ZNF414: variants seen among roughly 807,000 people sequenced by gnomAD.
The protein encoded by ZNF414 is zinc finger protein 414.
Under a neutral mutation model 38.3 loss-of-function variants are expected in ZNF414, and 32 were observed. The ratio of observed to expected loss-of-function variants is 0.83; its 90% confidence interval spans 0.63 to 1.12. The LOEUF is 1.12. ZNF414 is among the 50% of genes most tolerant of loss of function. The probability of loss-of-function intolerance (pLI) is 0.00; values close to 1 mark genes in which losing one functional copy is unlikely to be tolerated. For synonymous variants in ZNF414, 256 were observed against 248.0 expected (o/e 1.03, Z -0.30); for missense variants, 589 against 557.4 (o/e 1.06, Z -0.57).
chr19:8,512,904 A>T, intron 2 of ZNF414, 125 bp downstream of exon 2: 3 of 1,300,646 alleles, frequency 2.3e-6, no homozygotes, highest in Non-Finnish European at 3.0e-6. Flanking sequence ...CCTGGCATCC[A>T]CCGGCTGCTC....
intron 6 of ZNF414, 194 bp from the exon 7 acceptor site, chr19:8,511,218 C>A: frequency 7.5e-7 from 1 of 1,332,708 alleles, no homozygotes; most frequent in East Asian, 3.1e-5. Context: ...TCTCCGCGTC[C>A]CCTACTATCA....
In ZNF414 at chr19:8,510,342, A is replaced by C; in HGVS notation, c.*349T>G. 4.6e-6 allele frequency: 1 copy of C among 217,730 alleles called. No homozygotes were observed. The highest frequency in any genetic ancestry group is 8.9e-6 in the Non-Finnish European group (1 of 111,928). 13.5% of individuals were successfully genotyped at this position (217,730 alleles called of 1,614,324 possible). On this transcript the variant is annotated 3_prime_UTR_variant, in exon 8 of 8. Transcript: ENST00000393927. ...AAAAAAAGAAAACTGGAGAGTCCCC[A>C]TCCCATTTGGTTTCTGGACAAGGGA...
At chr19:8,511,397 A>G (rs2145806300) in intron 6 of ZNF414, 89 bp downstream of exon 6, 1 of 1,537,896 alleles carries the variant, frequency 6.5e-7, no homozygotes, top group Admixed American at 2.2e-5. Context: ...GAAGGGGATG[A>G]GCACTGCTGC....
In ZNF414 at chr19:8,511,518, C is replaced by T; in HGVS notation, c.893G>A (p.Arg298Gln). The T allele has an allele frequency of 6.2e-7, 1 of 1,603,922 alleles. No individual in the cohort carries two copies. The highest frequency in any genetic ancestry group is 8.5e-7 in the Non-Finnish European group (1 of 1,175,886). The change falls in exon 6 of 8, where the codon CGA becomes CAA. Residue 298 changes from arginine to glutamine, a missense_variant. Physicochemically the swap from Arg to Gln is conservative, Grantham distance 43. Transcript: ENST00000393927. ...KKSQGAGSSPRRPQGGSDAPS... is the reference protein window; with the variant it reads ...KKSQGAGSSPQRPQGGSDAPS... ...CGCGTCGGAGCCGCCCTGGGGTCTT[C>T]GGGGGCTGCTGCCAGCACCTGCGGT...
Position 8,510,779 on chromosome 19 carries a change from G to A in ZNF414, c.1100-15C>T, listed in dbSNP as rs369578071. On this transcript the variant is annotated splice_polypyrimidine_tract_variant and intron_variant, in intron 7 of 7. Transcript: ENST00000393927. ...CGGGGCCGGATCTGGGTGGGGCAGA[G>A]GAGGGGGGCGCCTGAGCCTCAGCGC... 3.2e-6 allele frequency: 5 copies of A among 1,538,822 alleles called. No individual in the cohort carries two copies. The African/African-American group carries it at 4.1e-5, about 13-fold the overall frequency.
intron 4 of ZNF414, 173 bp from the exon 5 acceptor site, chr19:8,512,133 T>TGGGGAAACCCGGGGAAACCC: frequency 2.1e-6 from 3 of 1,424,454 alleles, no homozygotes; most frequent in Non-Finnish European, 2.7e-6. Context: ...GGTGGGAACC[T>TGGGGAAACCCGGGGAAACCC]GGGGAAACCC....
At chr19:8,512,087 G>A (rs2145807277) in intron 4 of ZNF414, 127 bp from the exon 5 acceptor site, 2 of 1,415,322 alleles carry the variant, frequency 1.4e-6, no homozygotes, top group East Asian at 2.6e-5. Flanking sequence ...CCCCGCTCCT[G>A]TACAACTGTG....
chr19:8,513,151 T>C lies in ZNF414; in HGVS notation c.194A>G (p.Gln65Arg), dbSNP rs8100431. The change falls in exon 2 of 8, where the codon CAG (glutamine) becomes CGG (arginine). Residue 65 changes from glutamine to arginine, a missense_variant. Physicochemically the swap from Gln to Arg is conservative, Grantham distance 43. Transcript: ENST00000393927. The part of the protein sequence containing the change: ...VWERGGAGGM[Q>R]QGSSPAPDSC... The stretch of plus-strand genomic sequence containing the variant: ...GTCTGGGGCTGGGGAGGAGCCCTGC[T>C]GCATCCCTCCAGCCCCTCCACGTTC... 0.3 allele frequency: 469,861 copies of C among 1,544,508 alleles called. 73,645 individuals are homozygous for C. The highest frequency in any genetic ancestry group is 0.52 in the East Asian group (21,352 of 41,220).
chr19:8,512,522 G>C (rs1971933133), intron 3 of ZNF414, 30 bp from the exon 4 acceptor site: 2 of 1,613,558 alleles, frequency 1.2e-6, no homozygotes, highest in Admixed American at 1.7e-5. Flanking sequence ...GAGAAGTGGA[G>C]ACAGGTGGCC....
chr19:8,512,150 A>T, intron 4 of ZNF414, 190 bp from the exon 5 acceptor site: 1 of 1,426,146 alleles, frequency 7.0e-7, no homozygotes, highest in Non-Finnish European at 9.1e-7. Flanking sequence ...ACCCGGAAAG[A>T]AGTCTCAATT....
chr19:8,512,454 T>A lies in ZNF414; in HGVS notation c.463A>T (p.Thr155Ser), dbSNP rs1159629853. 1.6e-5 allele frequency: 26 copies of A among 1,613,924 alleles called. No individual in the cohort carries two copies. Among genetic ancestry groups the A allele is most frequent in the Non-Finnish European group, 2.1e-5 (25 of 1,180,014 alleles). ...ACCAGCTCCTGCATGCTGGGGAAGGTCTCGGTGCAGCTCAGGGCTGAGCAG... is the reference window on the plus strand; with the variant it reads ...ACCAGCTCCTGCATGCTGGGGAAGGACTCGGTGCAGCTCAGGGCTGAGCAG... ...FRCSALSCTE[T>S]FPSMQELVAH... The change falls in exon 4 of 8, where the codon ACC becomes TCC. Residue 155 changes from threonine to serine, a missense_variant. Transcript: ENST00000393927.
In ZNF414 at chr19:8,510,308, G is replaced by GAA. The variant is rs534955424; in HGVS notation, c.*381_*382dup. ...GTCTCAAAAAAGAAAAAAAAAAAAA[G>GAA]AAAAAAAAAAAAAAAGAAAACTGGA... On this transcript the variant is annotated 3_prime_UTR_variant, in exon 8 of 8. Transcript: ENST00000393927. The GAA allele has an allele frequency of 2.4e-3, 241 of 101,114 alleles. 1 individual carries two copies. The highest frequency in any genetic ancestry group is 6.5e-3 in the African/African-American group (186 of 28,524). 6.3% of individuals were successfully genotyped at this position (101,114 alleles called of 1,614,324 possible).
rs1002923276 is a variant in ZNF414 at position 8,513,120 on chromosome 19, G to A, written c.225C>T (p.Cys75=). The change falls in exon 2 of 8, where the codon TGC becomes TGT. Residue 75 remains cysteine, a synonymous_variant. Transcript: ENST00000393927. Reference sequence around the variant, plus strand: ...CAGGGCTGGGTCCGGGGCCAGGCTGGCAGCTGTCTGGGGCTGGGGAGGAGC... The same window carrying A: ...CAGGGCTGGGTCCGGGGCCAGGCTGACAGCTGTCTGGGGCTGGGGAGGAGC... ...QQGSSPAPDS[C]QPGPGPSPGL... is the part of the protein sequence containing the mutation. The A allele has an allele frequency of 2.7e-5, 42 of 1,537,810 alleles. No individual in the cohort carries two copies. The highest frequency in any genetic ancestry group is 3.3e-5 in the Non-Finnish European group (38 of 1,144,510).
At chr19:8,512,175 C>T (rs1971927245) in intron 4 of ZNF414, 2 of 1,426,180 alleles carry the variant, frequency 1.4e-6, no homozygotes, top group East Asian at 2.6e-5. Context: ...GTTAGGCGGC[C>T]GGTTTTCCAC....
rs1462050204 is a variant in ZNF414 at position 8,511,765 on chromosome 19, G to T, written c.726C>A (p.Phe242Leu). The T allele has an allele frequency of 1.4e-6, 2 of 1,437,940 alleles. No individual in the cohort carries two copies. The highest frequency in any genetic ancestry group is 1.8e-6 in the Non-Finnish European group (2 of 1,104,366). The allele number at this position is 1,437,940 out of a possible 1,614,324, so 89.1% of individuals were successfully genotyped here. A position where few individuals can be genotyped will look rare whatever the true frequency, so the allele number is the denominator to read the frequency against. ...CGGTGGGGGCAGGGGCGGGGGTCGT[G>T]AAGGGTTCCAGCAGCGGGAACGGCA... ...PGLPFPLLEP[F>L]TTPAPAPTGP... The change falls in exon 5 of 8, where the codon TTC becomes TTA. Residue 242 changes from phenylalanine (F) to leucine (L), a missense_variant. Coordinates refer to ENST00000393927, the MANE Select transcript of ZNF414 (RefSeq NM_001146175.2).
Position 8,511,526 on chromosome 19 carries a change from G to A in ZNF414, c.885C>T (p.Ser295=). The A allele has an allele frequency of 6.2e-7, 1 of 1,601,484 alleles. No homozygotes were observed. Residue 295 remains serine (S), a synonymous_variant, in exon 6 of 8, where the codon AGC becomes AGT. Coordinates refer to ENST00000393927, the MANE Select transcript of ZNF414 (RefSeq NM_001146175.2). ...AGCCGCCCTGGGGTCTTCGGGGGCT[G>A]CTGCCAGCACCTGCGGTAAAGGGGC... ...AVWKKSQGAG[S]SPRRPQGGSD... is the part of the protein sequence containing the mutation.
chr19:8,511,626 T>C lies in ZNF414; in HGVS notation c.865A>G (p.Lys289Glu). 6.6e-7 allele frequency: 1 copy of C among 1,512,594 alleles called. No homozygotes were observed. Among genetic ancestry groups the C allele is most frequent in the Non-Finnish European group, 8.8e-7 (1 of 1,134,282 alleles). The allele number at this position is 1,512,594 out of a possible 1,614,324, so 93.7% of individuals were successfully genotyped here. ...PPASSAAVWK[K>E]SQGAGSSPRR... ...CCGACCCCACACTCACCTTGGCTCTTTTTCCAGACGGCGGCGCTGGAAGCC... is the reference window on the plus strand; with the variant it reads ...CCGACCCCACACTCACCTTGGCTCTCTTTCCAGACGGCGGCGCTGGAAGCC... Residue 289 changes from lysine to glutamate, a missense_variant, in exon 5 of 8, where the codon AAG becomes GAG. Lys to Glu is a moderately conservative substitution (Grantham distance 56). Coordinates refer to ENST00000393927, the MANE Select transcript of ZNF414 (RefSeq NM_001146175.2).
rs772705771 is a variant in ZNF414 at position 8,511,580 on chromosome 19, A to C, written c.874+37T>G. On this transcript the variant is annotated intron_variant, in intron 5 of 7. Coordinates refer to ENST00000393927, the MANE Select transcript of ZNF414 (RefSeq NM_001146175.2). The stretch of plus-strand genomic sequence containing the variant: ...TCAAGTTCAGAGTCAGGGCGAGCCC[A>C]GCCAGCCCTCCTGGAGGCCCCCGAC... 2.6e-6 allele frequency: 4 copies of C among 1,543,442 alleles called. No individual in the cohort carries two copies. In the South Asian group the frequency reaches 3.7e-5, roughly 14 times the overall value.
Position 8,510,777 on chromosome 19 carries a change from G to A in ZNF414, c.1100-13C>T. On this transcript the variant is annotated splice_polypyrimidine_tract_variant and intron_variant, in intron 7 of 7. Transcript: ENST00000393927. ...AGCGGGGCCGGATCTGGGTGGGGCA[G>A]AGGAGGGGGGCGCCTGAGCCTCAGC... 2 of 1,539,386 alleles carry A rather than the reference G, an allele frequency of 1.3e-6. No homozygotes were observed. The highest frequency in any genetic ancestry group is 1.8e-6 in the Non-Finnish European group (2 of 1,140,120).
Sources: allele counts gnomAD v4.1 joint callset, GRCh38; gene constraint gnomAD v4.1.1; transcripts MANE v1.5; gene names NCBI Gene and HGNC (gene_info 2026-07-23, HGNC 2026-07-21).